Variants in POF1B observed in about 807,000 individuals in gnomAD.
POF1B encodes the protein POF1B actin binding protein, also known as protein POF1B.
POF1B carries 53 observed loss-of-function variants against 55.3 expected under a neutral mutation model. The ratio of observed to expected loss-of-function variants is 0.96; its 90% CI spans 0.77 to 1.20. The LOEUF (loss-of-function observed/expected upper bound fraction) is 1.20. Among genes scored for constraint, POF1B ranks in the 50% most tolerant of loss-of-function variants. POF1B has a pLI of 0.00. For synonymous variants in POF1B, 188 were observed against 148.3 expected (o/e 1.27, Z -1.95); for missense variants, 478 against 420.5 (o/e 1.14, Z -1.20).
At chrX:85,360,323 T>C (rs12015095) in intron 3 of POF1B, among the ~76,000 whole-genome samples, 11,786 of 104,573 alleles carry the variant, frequency 0.11, 1,774 homozygotes, top group African/African-American at 0.39. Flanking sequence ...CCTGCATTCT[T>C]AAGTGTGGGC....
chrX:85,332,629 T>TA (rs1932999989), intron 6 of POF1B, among the ~76,000 whole-genome samples: 1 of 111,409 alleles, frequency 9.0e-6, no homozygotes, highest in South Asian at 3.7e-4. Context: ...ATTCAGACCT[T>TA]AAAAAACTGT....
At chrX:85,302,472 C>T (rs1000551129) in intron 15 of POF1B, among the ~76,000 whole-genome samples, 5 of 110,932 alleles carry the variant, frequency 4.5e-5, no homozygotes, top group African/African-American at 1.6e-4. Context: ...AAAGTGGAAC[C>T]GTCATACACT....
intron 14 of POF1B, 37 bp downstream of exon 14, chrX:85,304,306 T>C: frequency 1.8e-6 from 2 of 1,119,644 alleles, no homozygotes; most frequent in Non-Finnish European, 2.4e-6. Flanking sequence ...TACTAAGTTG[T>C]ATTACTTTTC....
At chrX:85,288,328 T>C (rs755891513) in intron 15 of POF1B, among the ~76,000 whole-genome samples, 18 of 111,062 alleles carry the variant, frequency 1.6e-4, no homozygotes, top group Admixed American at 1.2e-3. Flanking sequence ...ATGGAAACTC[T>C]ATACCAGACA....
At chrX:85,314,783 A>G (rs1008626164) in intron 8 of POF1B, among the ~76,000 whole-genome samples, 1 of 112,236 alleles carries the variant, frequency 8.9e-6, no homozygotes, top group Non-Finnish European at 1.9e-5. Flanking sequence ...ATTTTTAAAA[A>G]GACGAAATTA....
Position 85,376,237 on chromosome X carries a change from A to C in POF1B, c.282+2936T>G, listed in dbSNP as rs755812754. On this transcript the variant is annotated intron_variant, in intron 2 of 16. Transcript: ENST00000262753. ...CATGAAAAATACCTCGAACTTCATG[A>C]AAACCTTAATTAGTGGAAGGAAAGA... 4.5e-4 allele frequency among the ~76,000 whole-genome samples: 50 copies of C among 111,990 alleles called. 1 individual carries two copies. In the East Asian group the frequency reaches 0.01, roughly 23 times the overall value.
intron 2 of POF1B, among the ~76,000 whole-genome samples, chrX:85,376,196 A>G (rs1428770534): frequency 8.9e-6 from 1 of 111,776 alleles, no homozygotes; most frequent in Non-Finnish European, 1.9e-5. Context: ...TCTCATGTAT[A>G]CAGCTGCTCT....
At chrX:85,328,057 AG>A (rs1039086791) in intron 7 of POF1B, among the ~76,000 whole-genome samples, 4 of 110,915 alleles carry the variant, frequency 3.6e-5, no homozygotes, top group African/African-American at 1.3e-4. Flanking sequence ...TAGATTAGGG[AG>A]GTGGAAAGGT....
At chrX:85,296,435 G>A (rs749168632) in intron 15 of POF1B, among the ~76,000 whole-genome samples, 1 of 112,092 alleles carries the variant, frequency 8.9e-6, no homozygotes, top group African/African-American at 3.2e-5. Context: ...AGCTGGTTTA[G>A]TGATAATAAA....
chrX:85,327,486 A>G (rs1569289247), intron 7 of POF1B, among the ~76,000 whole-genome samples: 1 of 112,129 alleles, frequency 8.9e-6, no homozygotes, highest in Non-Finnish European at 1.9e-5. Context: ...GTGAGTAGAA[A>G]GAGAACTGAA....
At chrX:85,325,450 C>T (rs1932886813) in intron 7 of POF1B, among the ~76,000 whole-genome samples, 2 of 111,771 alleles carry the variant, frequency 1.8e-5, no homozygotes, top group Non-Finnish European at 3.8e-5. Context: ...TTTTTGCCCA[C>T]CTTTATCAAT....
At chrX:85,279,541 G>T (rs551418925) in intron 16 of POF1B, 115 bp from the exon 17 acceptor site, 2 of 636,802 alleles carry the variant, frequency 3.1e-6, no homozygotes, top group East Asian at 6.7e-5. Flanking sequence ...CAAAGGACAT[G>T]TATTGCACTT....
intron 2 of POF1B, among the ~76,000 whole-genome samples, chrX:85,376,021 T>C (rs779513203): frequency 7.2e-5 from 8 of 111,824 alleles, no homozygotes; most frequent in Non-Finnish European, 5.6e-5. Context: ...AGGCTCTGTA[T>C]GTCTGTCCTA....
rs147409878 is a variant in POF1B, at chrX:85,349,571, A to G, written c.540+1779T>C. On this transcript the variant is annotated intron_variant, in intron 5 of 16. Coordinates refer to ENST00000262753, the MANE Select transcript of POF1B (RefSeq NM_024921.4). ...TGTCCTTATAAAAATGCAAAATTGG[A>G]CACAGAAACAAACATGCACAGAGGG... Among the ~76,000 whole-genome samples, 690 of 110,961 alleles carry G rather than the reference A, an allele frequency of 6.2e-3. 9 individuals carry two copies. Among genetic ancestry groups the G allele is most frequent in the African/African-American group, 0.022 (659 of 30,602 alleles).
chrX:85,360,407 G>A (rs896428631), intron 3 of POF1B, among the ~76,000 whole-genome samples: 4 of 104,505 alleles, frequency 3.8e-5, no homozygotes, highest in East Asian at 3.0e-4. Context: ...GAGAACATGC[G>A]GTATTTGGTT....
intron 15 of POF1B, among the ~76,000 whole-genome samples, chrX:85,293,459 G>C (rs1348184251): frequency 8.9e-6 from 1 of 111,897 alleles, no homozygotes; most frequent in Non-Finnish European, 1.9e-5. Context: ...ATAAGTGGGA[G>C]ATAAATGATG....
At chrX:85,311,118 G>C (rs1409561612) in intron 9 of POF1B, among the ~76,000 whole-genome samples, 1 of 111,577 alleles carries the variant, frequency 9.0e-6, no homozygotes, top group Non-Finnish European at 1.9e-5. Context: ...AATCATAAAA[G>C]AAAGAATTTG....
intron 8 of POF1B, among the ~76,000 whole-genome samples, chrX:85,314,785 A>C (rs1339407857): frequency 1.8e-5 from 2 of 112,202 alleles, no homozygotes; most frequent in Non-Finnish European, 1.9e-5. Context: ...TTTTAAAAAG[A>C]CGAAATTAAA....
At chrX:85,351,932 T>A (rs2147938825) in intron 4 of POF1B, among the ~76,000 whole-genome samples, 1 of 110,960 alleles carries the variant, frequency 9.0e-6, no homozygotes, top group East Asian at 2.9e-4. Flanking sequence ...CAACTCAATT[T>A]GAGTGCCCTT....
Sources: gnomAD v4.1 joint callset for allele counts (sites outside exome capture counted in the v4.1 genomes callset) on GRCh38, gnomAD v4.1.1 for gene constraint, MANE v1.5 for transcripts, NCBI Gene and HGNC (gene_info 2026-07-23, HGNC 2026-07-21) for gene names.